The following INTS1 variants were observed in gnomAD, a reference collection of about 807,000 sequenced individuals.
INTS1 encodes the protein integrator complex subunit 1.
A neutral mutation model predicts 241.6 loss-of-function variants in INTS1; 137 were observed. The ratio of observed to expected loss-of-function variants is 0.57; its 90% CI spans 0.49 to 0.65. The LOEUF is 0.65. INTS1 is among the 30% of genes least tolerant of loss of function. The pLI, the probability that INTS1 is intolerant of heterozygous loss-of-function variation, is 0.00. For synonymous variants in INTS1, 1,692 were observed against 1,337.8 expected, an observed-to-expected ratio of 1.26 and a Z score of -5.78; for missense variants, 3,073 against 3,032.2, an observed-to-expected ratio of 1.01 and a Z score of -0.32.
In INTS1 at chr7:1,503,950, G is replaced by A. The variant is rs1341433410; in HGVS notation, c.11C>T (p.Ala4Val). ...GGGCCGGCGCACCGTGGTGGGCTTG[G>A]CCCGGTTCATCCTGCCCCGTCCCTC... MNR[A>V]KPTTVRRPSA... is the part of the protein sequence containing the mutation. Residue 4 changes from alanine to valine, a missense_variant, in exon 2 of 48, where the codon GCC (alanine) becomes GTC (valine). Coordinates refer to ENST00000404767, the MANE Select transcript of INTS1 (RefSeq NM_001080453.3). 1.9e-6 allele frequency: 3 copies of A among 1,567,180 alleles called. No homozygotes were observed. Among genetic ancestry groups the A allele is most frequent in the Non-Finnish European group, 2.6e-6 (3 of 1,156,858 alleles).
chr7:1,470,779 C>G, intron 47 of INTS1, 67 bp downstream of exon 47: 3 of 1,472,212 alleles, frequency 2.0e-6, no homozygotes, highest in Non-Finnish European at 2.8e-6. Flanking sequence ...AAGAGCCAGC[C>G]CTCGGGGGAC....
rs1043999018 is a variant in INTS1 at position 1,480,739 on chromosome 7, G to T, written c.3949+96C>A. On this transcript the variant is annotated intron_variant, in intron 29 of 47. Coordinates refer to ENST00000404767, the MANE Select transcript of INTS1 (RefSeq NM_001080453.3). ...CAAGTGTGCACTGCCCTGTGTGGCTGTGCAGGCCCCGTCCCCCTCCCCAGG... is the reference window on the plus strand; with the variant it reads ...CAAGTGTGCACTGCCCTGTGTGGCTTTGCAGGCCCCGTCCCCCTCCCCAGG... The T allele has an allele frequency of 6.9e-6, 7 of 1,014,048 alleles. No individual in the cohort carries two copies. In the Admixed American group the frequency reaches 1.3e-4, roughly 19 times the overall value. 62.8% of individuals were successfully genotyped at this position (1,014,048 alleles called of 1,614,324 possible).
rs1049559639 is a variant in INTS1 at position 1,494,810 on chromosome 7, A to G, written c.1910+6T>C. 1.5e-5 allele frequency: 24 copies of G among 1,559,128 alleles called. No individual in the cohort carries two copies. The highest frequency in any genetic ancestry group is 2.0e-5 in the Non-Finnish European group (23 of 1,152,744). On this transcript the variant is annotated splice_donor_region_variant and intron_variant, in intron 14 of 47. Transcript: ENST00000404767. The stretch of plus-strand genomic sequence containing the variant: ...ACACAGGAGCCCCAGGCGGCAGCGC[A>G]CTCACTTGCGGTCACTCTCGGGTGG...
chr7:1,472,696 T>C (rs1345422871), intron 43 of INTS1, among the ~76,000 whole-genome samples: 4 of 152,130 alleles, frequency 2.6e-5, no homozygotes, highest in Non-Finnish European at 5.9e-5. Flanking sequence ...AGAGACGTGC[T>C]GCGGTGCCGT....
rs544837623 is a variant in INTS1 at position 1,475,939 on chromosome 7, C to T, written c.5502+9G>A. On this transcript the variant is annotated intron_variant, in intron 39 of 47. Coordinates refer to ENST00000404767, the MANE Select transcript of INTS1 (RefSeq NM_001080453.3). ...ACGGCGGCGGGGAGCGGCAGAGTTG[C>T]GCCCTCACCTTGCAGACGCTGCTGC... The T allele has an allele frequency of 2.5e-4, 381 of 1,535,374 alleles. 2 individuals carry two copies. Among genetic ancestry groups the T allele is most frequent in the Middle Eastern group, 7.5e-4 (4 of 5,348 alleles).
rs781722828 is a variant in INTS1 at position 1,482,697 on chromosome 7, G to A, written c.3552C>T (p.Ser1184=). The change falls in exon 27 of 48, where the codon AGC becomes AGT. Residue 1184 remains serine (S), a synonymous_variant. Transcript: ENST00000404767. ...AGATGTCCAGCAGCGCCTGGAACTC[G>A]CTGTCGTCGGCTTCAGGAAGGACAA... is the stretch of plus-strand genomic sequence containing the variant. ...LTLGPPRADD[S]EFQALLDIWF... 1.4e-5 allele frequency: 22 copies of A among 1,612,394 alleles called. No individual in the cohort carries two copies. Among genetic ancestry groups the A allele is most frequent in the East Asian group, 2.2e-5 (1 of 44,898 alleles).
chr7:1,481,772 C>A lies in INTS1; in HGVS notation c.3704-284G>T, dbSNP rs2128536287. On this transcript the variant is annotated intron_variant, in intron 27 of 47. Transcript: ENST00000404767. This position sits in a 1 kb window ranked among gnomAD's most constrained non-coding sequence, Gnocchi z 6.8. ...GGCAGTGCACACTCGGCAGCCCCAC[C>A]TGAGACCCTGGGCCACGTGGGCTCG... 6.6e-6 allele frequency among the ~76,000 whole-genome samples: 1 copy of A among 150,934 alleles called. No homozygotes were observed. Among genetic ancestry groups the A allele is most frequent in the East Asian group, 2.0e-4 (1 of 5,026 alleles).
In INTS1 at chr7:1,473,157, C is replaced by A. The variant is rs1487290607; in HGVS notation, c.5985G>T (p.Leu1995=). The A allele has an allele frequency of 6.2e-7, 1 of 1,612,172 alleles. No individual in the cohort carries two copies. Among genetic ancestry groups the A allele is most frequent in the Non-Finnish European group, 8.5e-7 (1 of 1,179,430 alleles). The change falls in exon 43 of 48, where the codon CTG becomes CTT. Residue 1995 remains leucine, a synonymous_variant. Transcript: ENST00000404767. Reference sequence around the variant, plus strand: ...CTGCAAGGAGGGATTTCAGCATCACCAGGTCACTGTTGTCGAAGGACAGGT... The same window carrying A: ...CTGCAAGGAGGGATTTCAGCATCACAAGGTCACTGTTGTCGAAGGACAGGT... ...LHDLSFDNSD[L]VMLKSLLAGL...
At chr7:1,482,877 G>T (rs1043821340) in intron 26 of INTS1, 170 bp from the exon 27 acceptor site, 3 of 704,700 alleles carry the variant, frequency 4.3e-6, no homozygotes, top group South Asian at 3.7e-5. Context: ...GATGCTTTGC[G>T]TAGGTGCACG....
In INTS1 at chr7:1,479,511, TG is replaced by T; in HGVS notation, c.4247del (p.Pro1416HisfsTer7). ...TGGACATCACCAGGGCACCGCCGTG[TG>T]GGGAGCTGAGCAGGGTGGCGAGGGC... ...LQALATLLSS[P>X]HGGALVMSMH... On this transcript the variant is annotated frameshift_variant, in exon 31 of 48. Transcript: ENST00000404767. LOFTEE classifies it high-confidence loss of function. 6.4e-7 allele frequency: 1 copy of T among 1,570,124 alleles called. No individual in the cohort carries two copies. Among genetic ancestry groups the T allele is most frequent in the Non-Finnish European group, 8.6e-7 (1 of 1,158,992 alleles).
Position 1,477,781 on chromosome 7 carries a change from C to G in INTS1, c.4786G>C (p.Gly1596Arg), listed in dbSNP as rs368741346. Residue 1596 changes from glycine (G) to arginine (R), a missense_variant, in exon 34 of 48, where the codon GGG becomes CGG. Gly to Arg is a moderately radical substitution (Grantham distance 125). Transcript: ENST00000404767. ...CCACCGTCCGCACCCGGCTTCCCCC[C>G]AGCCAGGGGCTCCTCCTCCTGCAGC... ...LLLQEEEPLA[G>R]GKPGADGGSL... is the part of the protein sequence containing the mutation. The G allele has an allele frequency of 6.8e-6, 11 of 1,612,348 alleles. No individual in the cohort carries two copies. In the Admixed American group the frequency reaches 8.3e-5, roughly 12 times the overall value.
intron 35 of INTS1, 82 bp from the exon 36 acceptor site, chr7:1,477,000 T>C: frequency 2.0e-6 from 3 of 1,501,356 alleles, no homozygotes; most frequent in Non-Finnish European, 2.7e-6. Flanking sequence ...GCTTCCCCAA[T>C]GAGCCACTCA....
Position 1,487,440 on chromosome 7 carries a change from G to A in INTS1, c.2526C>T (p.Pro842=). 1 of 1,611,416 alleles carries A rather than the reference G, an allele frequency of 6.2e-7. No homozygotes were observed. ...QLTSLDPQGP[P]RRPPPHILDQ... is the part of the protein sequence containing the mutation. ...CCAGGATGTGAGGGGGAGGCCTCCG[G>A]GGGGGCCCCCTGAGGGCCACAGGGG... is the stretch of plus-strand genomic sequence containing the variant. Residue 842 remains proline, a synonymous_variant, in exon 20 of 48, where the codon CCC becomes CCT. Coordinates refer to ENST00000404767, the MANE Select transcript of INTS1 (RefSeq NM_001080453.3).
chr7:1,477,024 T>C, intron 35 of INTS1, 106 bp from the exon 36 acceptor site: 25 of 1,395,226 alleles, frequency 1.8e-5, no homozygotes, highest in Non-Finnish European at 2.3e-5. Context: ...AGCCGAGGCT[T>C]GGGGTGCTGC....
rs1460784046 is a variant in INTS1 at position 1,478,572 on chromosome 7, G to A, written c.4490-66C>T. The A allele has an allele frequency of 7.0e-6, 11 of 1,562,814 alleles. No homozygotes were observed. The East Asian group carries it at 2.3e-4, about 33-fold the overall frequency. Reference sequence around the variant, plus strand: ...CACCCCATCGGTGTATCCCATCCAGGGAGGCCCCACGGTAGAAGGGCTCCC... The same window carrying A: ...CACCCCATCGGTGTATCCCATCCAGAGAGGCCCCACGGTAGAAGGGCTCCC... On this transcript the variant is annotated intron_variant, in intron 32 of 47. Coordinates refer to ENST00000404767, the MANE Select transcript of INTS1 (RefSeq NM_001080453.3).
At chr7:1,501,348 G>A (rs1783171320) in intron 3 of INTS1, 2 of 151,970 alleles carry the variant, frequency 1.3e-5, no homozygotes, top group Non-Finnish European at 2.9e-5. Flanking sequence ...CACACATGTG[G>A]ACAGAGGCAT....
In INTS1 at chr7:1,476,410, T is replaced by G; in HGVS notation, c.5197A>C (p.Ile1733Leu). ...LVLRVQGPEL[I>L]SLVELILAEA... ...GCCAGGATCAGCTCCACCAGGCTGA[T>G]GAGCTCCGGGCCCTGGACCCGCAGC... The change falls in exon 38 of 48, where the codon ATC becomes CTC. Residue 1733 changes from isoleucine (I) to leucine (L), a missense_variant. By Grantham distance (5) the Ile-to-Leu change is conservative (BLOSUM62 2). Transcript: ENST00000404767. The G allele has an allele frequency of 6.4e-7, 1 of 1,574,692 alleles. No homozygotes were observed.
In INTS1 at chr7:1,497,088, G is replaced by A. The variant is rs150917353; in HGVS notation, c.1602+50C>T. 4.4e-5 allele frequency: 67 copies of A among 1,523,554 alleles called. No individual in the cohort carries two copies. Among genetic ancestry groups the A allele is most frequent in the Admixed American group, 9.9e-5 (5 of 50,568 alleles). The allele number at this position is 1,523,554 out of a possible 1,614,324, so 94.4% of individuals were successfully genotyped here. A position where few individuals can be genotyped will look rare whatever the true frequency, so the allele number is the denominator to read the frequency against. ...GACCCAGGACGAGGGGGATGGCGGC[G>A]CGTGGAACCCGCAGTGAGGGAAAGG... is the stretch of plus-strand genomic sequence containing the variant. On this transcript the variant is annotated intron_variant, in intron 11 of 47. Transcript: ENST00000404767. This position sits in a 1 kb window ranked among gnomAD's most constrained non-coding sequence, Gnocchi z 5.3.
intron 40 of INTS1, 68 bp from the exon 41 acceptor site, chr7:1,474,428 G>GT: frequency 6.9e-7 from 1 of 1,456,634 alleles, no homozygotes; most frequent in Admixed American, 2.2e-5. Flanking sequence ...CCCCAGGAAG[G>GT]CCCCACTGCC....
Sources: gnomAD v4.1 joint callset for allele counts (sites outside exome capture counted in the v4.1 genomes callset) on GRCh38, gnomAD v4.1.1 for gene constraint, Gnocchi (gnomAD v3.1) non-coding constraint, MANE v1.5 for transcripts, NCBI Gene and HGNC (gene_info 2026-07-23, HGNC 2026-07-21) for gene names.